Variants in AFAP1 observed in about 807,000 individuals in gnomAD.
The protein encoded by AFAP1 is actin filament-associated protein 1.
A neutral mutation model predicts 93.9 loss-of-function variants in AFAP1; 75 were observed. That is an observed-to-expected ratio of 0.80 (90% CI 0.66 to 0.97). AFAP1 has a LOEUF of 0.97. Ranked by LOEUF, AFAP1 falls within the 50% of genes least tolerant of loss-of-function variation. The pLI, the probability that AFAP1 is intolerant of heterozygous loss-of-function variation, is 0.00. For missense variants in AFAP1, 1,201 were observed against 1,050.8 expected, an observed-to-expected ratio of 1.14 and a Z score of -1.98; for synonymous variants, 517 against 430.7, an observed-to-expected ratio of 1.20 and a Z score of -2.48.
Position 7,791,788 on chromosome 4 carries a change from G to C in AFAP1, c.1412+1893C>G, listed in dbSNP as rs115548610. 2.4e-3 allele frequency among the ~76,000 whole-genome samples: 362 copies of C among 151,258 alleles called. 1 individual carries two copies. Among genetic ancestry groups the C allele is most frequent in the Non-Finnish European group, 4.5e-3 (307 of 67,906 alleles). ...GGATCCCTTGAGCCCAGGAGGTTGAGGCTGCAATGAGTCATAATTGTGCCA... is the reference window on the plus strand; with the variant it reads ...GGATCCCTTGAGCCCAGGAGGTTGACGCTGCAATGAGTCATAATTGTGCCA... On this transcript the variant is annotated intron_variant, in intron 11 of 17. Coordinates refer to ENST00000420658, the MANE Select transcript of AFAP1 (RefSeq NM_001134647.2).
rs1715902492 is a variant in AFAP1, at chr4:7,774,652, GCAATAGGTC to G, written c.2062+78_2062+86del. On this transcript the variant is annotated intron_variant, in intron 15 of 17. Coordinates refer to ENST00000420658, the MANE Select transcript of AFAP1 (RefSeq NM_001134647.2). ...CTAAATAAAATGACAGCCTTGGTGA[GCAATAGGTC>G]CTTTGGGCAAAGCAGAATGAAATCT... 2.2e-5 allele frequency: 34 copies of G among 1,515,288 alleles called. No homozygotes were observed. In the Middle Eastern group the frequency reaches 6.3e-4, roughly 28 times the overall value. The allele number at this position is 1,515,288 out of a possible 1,614,324, so 93.9% of individuals were successfully genotyped here.
At chr4:7,879,404 T>A (rs1013939256) in intron 1 of AFAP1, among the ~76,000 whole-genome samples, 2 of 152,180 alleles carry the variant, frequency 1.3e-5, no homozygotes, top group Non-Finnish European at 1.5e-5. Flanking sequence ...AACCACCTCC[T>A]CTGTTCGACA....
intron 2 of AFAP1, 24 bp from the exon 3 acceptor site, chr4:7,868,743 A>G: frequency 2.5e-6 from 4 of 1,605,254 alleles, no homozygotes; most frequent in Non-Finnish European, 2.6e-6. Context: ...CCAGAACCAC[A>G]GAACTGGATG....
chr4:7,911,849 T>G lies in AFAP1; in HGVS notation c.-3+27807A>C, dbSNP rs1719750166. ...TCTTCTAAGAGAAAGCTTACACTTA[T>G]TTGGAAGGCTACCTGGGATATTTCT... On this transcript the variant is annotated intron_variant, in intron 1 of 17. Coordinates refer to ENST00000420658, the MANE Select transcript of AFAP1 (RefSeq NM_001134647.2). Among the ~76,000 whole-genome samples, 3 of 152,310 alleles carry G rather than the reference T, an allele frequency of 2.0e-5. No individual in the cohort carries two copies. The South Asian group carries it at 6.2e-4, about 32-fold the overall frequency.
chr4:7,816,941 A>G (rs1252402624), intron 7 of AFAP1, among the ~76,000 whole-genome samples: 2 of 152,218 alleles, frequency 1.3e-5, no homozygotes, highest in East Asian at 3.9e-4. Flanking sequence ...CCAGGGATAC[A>G]ATGACCTAGA....
intron 1 of AFAP1, among the ~76,000 whole-genome samples, chr4:7,923,698 C>T (rs1451992265): frequency 2.0e-5 from 3 of 152,154 alleles, no homozygotes; most frequent in African/African-American, 7.2e-5. Flanking sequence ...ATCTCCTGAC[C>T]TTGTGATCTG....
chr4:7,918,330 C>G (rs1256086960), intron 1 of AFAP1, among the ~76,000 whole-genome samples: 2 of 128,444 alleles, frequency 1.6e-5, no homozygotes, highest in Non-Finnish European at 3.2e-5. Flanking sequence ...CCAGGTCACC[C>G]GCAAACAGGG....
intron 3 of AFAP1, among the ~76,000 whole-genome samples, chr4:7,859,700 T>C (rs950156522): frequency 2.6e-5 from 4 of 152,198 alleles, no homozygotes. Flanking sequence ...AAGGTCTCCA[T>C]CTTGCATTAG....
At chr4:7,922,091 G>A (rs1280214519) in intron 1 of AFAP1, among the ~76,000 whole-genome samples, 6 of 152,158 alleles carry the variant, frequency 3.9e-5, no homozygotes, top group African/African-American at 9.7e-5. Flanking sequence ...CCAGCCTGGC[G>A]ACAGAGTGAG....
At chr4:7,838,465 A>T (rs1712574038) in intron 6 of AFAP1, 59 bp downstream of exon 6, 1 of 1,527,676 alleles carries the variant, frequency 6.5e-7, no homozygotes, top group South Asian at 1.3e-5. Flanking sequence ...TAAAATTAAA[A>T]TGGATCTCAG....
In AFAP1 at chr4:7,794,289, C is replaced by A. The variant is rs138125833; in HGVS notation, c.1267-463G>T. Among the ~76,000 whole-genome samples the A allele has an allele frequency of 1.6e-3, 246 of 152,254 alleles. 1 individual carries two copies. Among genetic ancestry groups the A allele is most frequent in the African/African-American group, 5.7e-3 (238 of 41,544 alleles). ...ATACCAGGAGCCCTGGGTGAGCCCC[C>A]CTACATGGGCCTGAAATGGTCATTT... On this transcript the variant is annotated intron_variant, in intron 10 of 17. Coordinates refer to ENST00000420658, the MANE Select transcript of AFAP1 (RefSeq NM_001134647.2).
At chr4:7,841,836 C>G (rs1019179542) in intron 5 of AFAP1, among the ~76,000 whole-genome samples, 15 of 145,798 alleles carry the variant, frequency 1.0e-4, no homozygotes, top group African/African-American at 3.6e-4. Context: ...GGAAAGCTGG[C>G]AGGGGCCCAA....
At chr4:7,920,680 A>C (rs1720388612) in intron 1 of AFAP1, among the ~76,000 whole-genome samples, 1 of 152,258 alleles carries the variant, frequency 6.6e-6, no homozygotes, top group Non-Finnish European at 1.5e-5. Flanking sequence ...CTTACCAAAG[A>C]AACTGCAATC....
At chr4:7,771,110 C>CCAACGTGTTTTATTGGTTT (rs1217932066) in intron 16 of AFAP1, among the ~76,000 whole-genome samples, 2 of 152,258 alleles carry the variant, frequency 1.3e-5, no homozygotes, top group African/African-American at 4.8e-5. Context: ...GCATCTGACA[C>CCAACGTGTTTTATTGGTTT]CAACGTGTTT....
Position 7,841,082 on chromosome 4 carries a change from T to C in AFAP1, c.546+2057A>G, listed in dbSNP as rs539158307. 2.6e-5 allele frequency among the ~76,000 whole-genome samples: 4 copies of C among 152,360 alleles called. No individual in the cohort carries two copies. The East Asian group carries it at 7.7e-4, about 29-fold the overall frequency. On this transcript the variant is annotated intron_variant, in intron 5 of 17. Transcript: ENST00000420658. ...GGGACAGGCTGCAATCTGGCAGTCC[T>C]AGCAGGCGGGATTTCCTGGGAAGCC...
chr4:7,818,890 C>T (rs1720711932), intron 7 of AFAP1, among the ~76,000 whole-genome samples, 186 bp downstream of exon 7: 1 of 152,220 alleles, frequency 6.6e-6, no homozygotes, highest in African/African-American at 2.4e-5. Context: ...ACTAACTACA[C>T]AGTCTGTAAA....
chr4:7,801,329 T>A (rs1436942931), intron 9 of AFAP1, among the ~76,000 whole-genome samples: 5 of 152,086 alleles, frequency 3.3e-5, no homozygotes, highest in African/African-American at 1.2e-4. Flanking sequence ...AAAGTCTGAA[T>A]CTTCATGAAA....
intron 15 of AFAP1, 91 bp from the exon 16 acceptor site, chr4:7,773,101 C>T: frequency 1.3e-6 from 2 of 1,485,820 alleles, no homozygotes; most frequent in Non-Finnish European, 1.8e-6. Flanking sequence ...AGAACTTCCA[C>T]AAAACGTCTG....
intron 12 of AFAP1, among the ~76,000 whole-genome samples, chr4:7,782,277 C>T (rs114172772): frequency 0.02 from 3,059 of 152,346 alleles, 116 homozygotes; most frequent in African/African-American, 0.069. Flanking sequence ...CTAAGCCTCG[C>T]GCTCCTTCTG....
Sources: allele counts gnomAD v4.1 joint callset (sites outside exome capture counted in the v4.1 genomes callset), GRCh38; gene constraint gnomAD v4.1.1; transcripts MANE v1.5; gene names NCBI Gene and HGNC (gene_info 2026-07-23, HGNC 2026-07-21).